The following PAN3 variants were observed in gnomAD, a reference collection of about 807,000 sequenced individuals.
The protein encoded by PAN3 is PAN2-PAN3 deadenylation complex subunit PAN3.
In PAN3, 19 loss-of-function variants were observed where a neutral mutation model predicts 96.2. The observed-to-expected ratio is 0.20, with a 90% CI of 0.14 to 0.29. The LOEUF is 0.29. Ranked by LOEUF, PAN3 falls within the 10% of genes least tolerant of loss-of-function variation. The pLI is 1.00. For missense variants in PAN3, 882 were observed against 1,108.1 expected (o/e 0.80, Z 2.90); for synonymous variants, 433 against 406.6 (o/e 1.06, Z -0.78).
At chr13:28,289,649 C>T (rs55689350) in intron 18 of PAN3, among the ~76,000 whole-genome samples, 5 of 152,026 alleles carry the variant, frequency 3.3e-5, no homozygotes, top group East Asian at 1.9e-4. Flanking sequence ...TGGGAGGCCA[C>T]GGCGGGCGGA....
intron 4 of PAN3, among the ~76,000 whole-genome samples, chr13:28,189,127 C>T (rs1010094849): frequency 6.6e-6 from 1 of 152,168 alleles, no homozygotes; most frequent in Non-Finnish European, 1.5e-5. Context: ...GAGTGGACTT[C>T]CCTTAGCCCT....
In PAN3 at chr13:28,138,919, C is replaced by G. The variant is rs1869179334; in HGVS notation, c.262C>G (p.Leu88Val). The stretch of plus-strand genomic sequence containing the variant: ...CGGCCTCCATAGCAACAGCGTCCCC[C>G]TGGCTCTGGCTGGTGCACCCGTGGC... Reference protein sequence around the residue: ...GLGLHSNSVPLALAGAPVAGF... With the variant: ...GLGLHSNSVPVALAGAPVAGF... The change falls in exon 1 of 19, where the codon CTG becomes GTG. Residue 88 changes from leucine (L) to valine (V), a missense_variant. Around this residue, in one of 3 missense-constraint regions of PAN3, gnomAD observed 442 missense variants for 422.8 expected, o/e 1.05. Transcript: ENST00000380958. 4 of 1,363,750 alleles carry G rather than the reference C, an allele frequency of 2.9e-6. 1 individual carries two copies. The highest frequency in any genetic ancestry group is 6.4e-5 in the Admixed American group (2 of 31,356). 84.5% of individuals were successfully genotyped at this position (1,363,750 alleles called of 1,614,324 possible).
At chr13:28,215,779 T>C (rs1404184985) in intron 5 of PAN3, 5 of 1,436,622 alleles carry the variant, frequency 3.5e-6, no homozygotes, top group Non-Finnish European at 4.8e-6. Flanking sequence ...CTGAGTTGTT[T>C]TGCTGTTGGT....
At position 28,260,433 on chromosome 13, in the gene PAN3, T is replaced by C. The variant is rs754310486; in HGVS notation, c.1249-14T>C. 1 of 1,573,588 alleles carries C rather than the reference T, an allele frequency of 6.4e-7. No homozygotes were observed. The highest frequency in any genetic ancestry group is 1.1e-5 in the South Asian group (1 of 90,250). On this transcript the variant is annotated splice_polypyrimidine_tract_variant and intron_variant, in intron 7 of 18. Transcript: ENST00000380958. ...AAATGAGTGATTACATTTACCCCCT[T>C]CCTACCTTTTTAGGTGTTTCCAAAC...
rs915817117 is a variant in PAN3, at chr13:28,256,485, T to C, written c.1194T>C (p.Val398=). The C allele has an allele frequency of 1.2e-6, 2 of 1,613,972 alleles. No homozygotes were observed. The highest frequency in any genetic ancestry group is 2.7e-5 in the African/African-American group (2 of 74,936). The change falls in exon 7 of 19, where the codon GTT becomes GTC. Residue 398 remains valine, a synonymous_variant. Transcript: ENST00000380958. ...SSGQVIQKET[V]GGTTYFYTDT... ...GTCAGGTGATCCAAAAGGAAACTGT[T>C]GGTGGGACGACTTACTTCTATACAG...
intron 1 of PAN3, 27 bp downstream of exon 1, chr13:28,139,114 C>G: frequency 1.6e-6 from 2 of 1,253,920 alleles, no homozygotes; most frequent in Non-Finnish European, 2.0e-6. Context: ...CGGGGCGGGC[C>G]GCGGCGGCGG....
Position 28,138,925 on chromosome 13 carries a change from C to G in PAN3, c.268C>G (p.Leu90Val). The change falls in exon 1 of 19, where the codon CTG (leucine) becomes GTG (valine). Residue 90 changes from leucine to valine, a missense_variant. Physicochemically the swap from Leu to Val is conservative, Grantham distance 32. Coordinates refer to ENST00000380958, the MANE Select transcript of PAN3 (RefSeq NM_175854.8). ...GLHSNSVPLA[L>V]AGAPVAGFPP... Reference sequence around the variant, plus strand: ...CCATAGCAACAGCGTCCCCCTGGCTCTGGCTGGTGCACCCGTGGCCGGCTT... The same window carrying G: ...CCATAGCAACAGCGTCCCCCTGGCTGTGGCTGGTGCACCCGTGGCCGGCTT... 7.4e-7 allele frequency: 1 copy of G among 1,360,486 alleles called. No individual in the cohort carries two copies. Among genetic ancestry groups the G allele is most frequent in the Non-Finnish European group, 9.4e-7 (1 of 1,058,908 alleles). 84.3% of individuals were successfully genotyped at this position (1,360,486 alleles called of 1,614,324 possible).
At chr13:28,248,710 A>T (rs1195690750) in intron 6 of PAN3, among the ~76,000 whole-genome samples, 1 of 152,116 alleles carries the variant, frequency 6.6e-6, no homozygotes, top group African/African-American at 2.4e-5. Context: ...TTTAGTAGAG[A>T]TGGGGTTTCA....
At chr13:28,291,858 T>A (rs190922014) in intron 18 of PAN3, among the ~76,000 whole-genome samples, 347 of 152,214 alleles carry the variant, frequency 2.3e-3, no homozygotes, top group African/African-American at 7.9e-3. Context: ...AAATAAAAAC[T>A]TATAAATTCA....
chr13:28,266,091 A>G (rs1259165231), intron 9 of PAN3, among the ~76,000 whole-genome samples: 1 of 152,136 alleles, frequency 6.6e-6, no homozygotes, highest in Non-Finnish European at 1.5e-5. Flanking sequence ...ATAGTGTTAA[A>G]CATGTATATT....
intron 5 of PAN3, chr13:28,214,447 C>A: frequency 4.7e-6 from 1 of 214,970 alleles, no homozygotes. Context: ...GTGAAAGAAC[C>A]CAATCAACTT....
chr13:28,159,961 C>T (rs1474682612), intron 1 of PAN3, among the ~76,000 whole-genome samples: 2 of 151,266 alleles, frequency 1.3e-5, no homozygotes, highest in African/African-American at 4.9e-5. Flanking sequence ...ATTTTTGAGA[C>T]AGAGTCTCGC....
At chr13:28,209,318 T>C (rs1879755193) in intron 5 of PAN3, among the ~76,000 whole-genome samples, 1 of 152,240 alleles carries the variant, frequency 6.6e-6, no homozygotes, top group African/African-American at 2.4e-5. Flanking sequence ...TTGTCTGATA[T>C]ATTTTAGTGA....
rs1329820534 is a variant in PAN3 at position 28,281,527 on chromosome 13, T to G, written c.2384+148T>G. On this transcript the variant is annotated intron_variant, in intron 17 of 18. Transcript: ENST00000380958. ...ATTGTGTTAGCTGTTAAGGTGCTAT[T>G]TTTAACAACAGCCTAGGTGTGGCTG... The G allele has an allele frequency of 1.4e-5, 10 of 721,636 alleles. No homozygotes were observed. The South Asian group carries it at 1.5e-4, about 11-fold the overall frequency. The allele number at this position is 721,636 out of a possible 1,614,324, so 44.7% of individuals were successfully genotyped here.
chr13:28,170,472 T>A (rs10161772), intron 1 of PAN3, among the ~76,000 whole-genome samples: 15,353 of 152,230 alleles, frequency 0.1, 1,003 homozygotes, highest in African/African-American at 0.19. Context: ...ATTCTTGGCA[T>A]GTTCAATAAT....
chr13:28,158,226 A>G (rs1349458636), intron 1 of PAN3, among the ~76,000 whole-genome samples: 1 of 152,190 alleles, frequency 6.6e-6, no homozygotes, highest in Non-Finnish European at 1.5e-5. Flanking sequence ...TTAAATGTAA[A>G]ACCTAAAACT....
intron 6 of PAN3, among the ~76,000 whole-genome samples, chr13:28,224,808 G>A (rs1435809167): frequency 1.3e-5 from 2 of 152,004 alleles, no homozygotes; most frequent in African/African-American, 2.4e-5. Flanking sequence ...TTTTTTTGTA[G>A]AGACGAGTTC....
At position 28,138,566 on chromosome 13, in the gene PAN3, G is replaced by C; in HGVS notation, c.-92G>C. 1 of 426,566 alleles carries C rather than the reference G, an allele frequency of 2.3e-6. No homozygotes were observed. The highest frequency in any genetic ancestry group is 4.1e-6 in the Non-Finnish European group (1 of 243,944). 26.4% of individuals were successfully genotyped at this position (426,566 alleles called of 1,614,324 possible). ...ACCCACCCGCCCAGGCTTTTATCCG[G>C]CACCGGCAGCGTCTTCCTTTCCTCC... On this transcript the variant is annotated 5_prime_UTR_variant, in exon 1 of 19. Coordinates refer to ENST00000380958, the MANE Select transcript of PAN3 (RefSeq NM_175854.8).
Position 28,275,405 on chromosome 13 carries a change from A to G in PAN3, c.2050-1832A>G, listed in dbSNP as rs1370454332. The stretch of plus-strand genomic sequence containing the variant: ...AGAATAATGGAATATTCTGGGAGGG[A>G]GGCTTAATACAGCATCAGTTCAGGG... On this transcript the variant is annotated intron_variant, in intron 14 of 18. Transcript: ENST00000380958. Among the ~76,000 whole-genome samples the G allele has an allele frequency of 2.0e-5, 3 of 152,068 alleles. No individual in the cohort carries two copies. The East Asian group carries it at 5.8e-4, about 29-fold the overall frequency.
Sources: allele counts gnomAD v4.1 joint callset (sites outside exome capture counted in the v4.1 genomes callset), GRCh38; gene constraint gnomAD v4.1.1; regional missense constraint gnomAD v4.1.1; transcripts MANE v1.5; gene names NCBI Gene and HGNC (gene_info 2026-07-23, HGNC 2026-07-21).